Variants in CDH18 observed in about 807,000 individuals in gnomAD.
CDH18 encodes the protein cadherin-18.
A neutral mutation model predicts 67.9 loss-of-function variants in CDH18; 31 were observed. The ratio of observed to expected loss-of-function variants is 0.46; its 90% CI spans 0.34 to 0.62. The LOEUF (loss-of-function observed/expected upper bound fraction) is 0.62, where lower values mean the gene tolerates loss of function less well. Ranked by LOEUF, CDH18 falls within the 20% of genes least tolerant of loss-of-function variation. CDH18 has a pLI of 0.01. For synonymous variants in CDH18, 362 were observed against 347.2 expected (o/e 1.04, Z -0.48); for missense variants, 890 against 975.5 (o/e 0.91, Z 1.17).
At chr5:20,500,181 T>C (rs1437135432) in intron 1 of CDH18, among the ~76,000 whole-genome samples, 1 of 152,152 alleles carries the variant, frequency 6.6e-6, no homozygotes, top group Non-Finnish European at 1.5e-5. Flanking sequence ...GAAAATGCCT[T>C]CTTTTCTACA....
intron 11 of CDH18, among the ~76,000 whole-genome samples, chr5:19,487,400 G>C (rs1345709980): frequency 6.6e-6 from 1 of 152,080 alleles, no homozygotes; most frequent in African/African-American, 2.4e-5. Flanking sequence ...TGGGTTCACT[G>C]CATTAAAAGT....
chr5:19,756,471 C>T (rs1242482070), intron 3 of CDH18, among the ~76,000 whole-genome samples: 1 of 152,160 alleles, frequency 6.6e-6, no homozygotes, highest in Non-Finnish European at 1.5e-5. Context: ...CAAACCTTTA[C>T]TCCTGAGAGG....
chr5:20,547,081 C>T (rs907727078), intron 1 of CDH18, among the ~76,000 whole-genome samples: 8 of 151,706 alleles, frequency 5.3e-5, no homozygotes, highest in Non-Finnish European at 1.0e-4. Flanking sequence ...AACAAATTTA[C>T]CAAAGGTGAA....
chr5:20,525,883 T>A (rs1281789459), intron 1 of CDH18, among the ~76,000 whole-genome samples: 2 of 152,094 alleles, frequency 1.3e-5, no homozygotes, highest in Non-Finnish European at 2.9e-5. Context: ...TTAGCAATAT[T>A]TTATGACTCA....
intron 1 of CDH18, among the ~76,000 whole-genome samples, chr5:20,319,851 A>G (rs1375796158): frequency 6.6e-5 from 10 of 152,220 alleles, no homozygotes; most frequent in Admixed American, 6.5e-4. Context: ...GAGTCACTGT[A>G]TGCAGCTCCG....
intron 10 of CDH18, among the ~76,000 whole-genome samples, chr5:19,507,043 C>T (rs1375061683): frequency 3.1e-4 from 47 of 152,060 alleles, no homozygotes; most frequent in African/African-American, 1.1e-3. Flanking sequence ...ACAATGAACT[C>T]AAACAAATTT....
At chr5:19,946,944 C>G (rs1381233815) in intron 2 of CDH18, among the ~76,000 whole-genome samples, 1 of 151,938 alleles carries the variant, frequency 6.6e-6, no homozygotes, top group African/African-American at 2.4e-5. Context: ...AAAATCAAAC[C>G]ATGTAATCCA....
intron 2 of CDH18, among the ~76,000 whole-genome samples, chr5:19,944,588 T>C (rs905982890): frequency 2.0e-5 from 3 of 152,190 alleles, no homozygotes; most frequent in Non-Finnish European, 4.4e-5. Flanking sequence ...CTTTCTGTCC[T>C]CTGCCTATTG....
intron 1 of CDH18, among the ~76,000 whole-genome samples, chr5:20,318,966 C>T (rs1737723949): frequency 6.6e-6 from 1 of 152,132 alleles, no homozygotes; most frequent in African/African-American, 2.4e-5. Flanking sequence ...CCACCCATGG[C>T]ATCCAGACCC....
At chr5:19,666,108 C>A (rs1757881865) in intron 5 of CDH18, among the ~76,000 whole-genome samples, 1 of 151,586 alleles carries the variant, frequency 6.6e-6, no homozygotes, top group African/African-American at 2.4e-5. Flanking sequence ...CTTGCTCTGT[C>A]ACCCAGGCTG....
intron 8 of CDH18, among the ~76,000 whole-genome samples, chr5:19,555,420 T>C (rs1157654441): frequency 3.9e-5 from 6 of 152,158 alleles, no homozygotes. Context: ...CTTGGTGATG[T>C]TGGGTGGGAC....
chr5:19,919,453 T>C (rs1792192691), intron 2 of CDH18, among the ~76,000 whole-genome samples: 1 of 152,164 alleles, frequency 6.6e-6, no homozygotes, highest in East Asian at 1.9e-4. Flanking sequence ...AGCAGTTTTG[T>C]GGACTAAGCC....
intron 2 of CDH18, among the ~76,000 whole-genome samples, chr5:20,224,670 C>A (rs1741473256): frequency 2.0e-5 from 3 of 152,004 alleles, no homozygotes; most frequent in Admixed American, 2.0e-4. Context: ...TAATTAAATG[C>A]ATTCTTTTAA....
rs70950073 is a variant in CDH18 at position 19,490,394 on chromosome 5, G to GTT, written c.1631-6844_1631-6843dup. On this transcript the variant is annotated intron_variant, in intron 11 of 12. Transcript: ENST00000382275. The stretch of plus-strand genomic sequence containing the variant: ...TGATATATCACATATATAAAAATCT[G>GTT]TTTTTTTTTTTTTTTTTTTTTTTTT... Among the ~76,000 whole-genome samples, 310 of 60,200 alleles carry GTT rather than the reference G, an allele frequency of 5.1e-3. 48 individuals are homozygous for GTT. Among genetic ancestry groups the GTT allele is most frequent in the African/African-American group, 0.012 (184 of 14,904 alleles). 39.5% of individuals were successfully genotyped at this position (60,200 alleles called of 152,430 possible). A position where few individuals can be genotyped will look rare whatever the true frequency, so the allele number is the denominator to read the frequency against.
At chr5:19,967,001 T>A (rs1191914866) in intron 2 of CDH18, among the ~76,000 whole-genome samples, 1 of 151,936 alleles carries the variant, frequency 6.6e-6, no homozygotes, top group Non-Finnish European at 1.5e-5. Flanking sequence ...CCATATAATA[T>A]ATTTGCAACA....
At chr5:19,645,649 T>C (rs140610945) in intron 5 of CDH18, among the ~76,000 whole-genome samples, 4 of 152,308 alleles carry the variant, frequency 2.6e-5, no homozygotes, top group Admixed American at 6.5e-5. Context: ...TTTCACTTTC[T>C]GTGTCATTTC....
chr5:19,505,122 GT>G (rs1743897698), intron 10 of CDH18, among the ~76,000 whole-genome samples: 2 of 151,894 alleles, frequency 1.3e-5, no homozygotes, highest in Admixed American at 6.6e-5. Flanking sequence ...TGACAATCGT[GT>G]TTTTTTAAGA....
chr5:20,548,605 A>T (rs998699835), intron 1 of CDH18, among the ~76,000 whole-genome samples: 2 of 152,324 alleles, frequency 1.3e-5, no homozygotes, highest in Admixed American at 1.3e-4. Flanking sequence ...ATTTGCCATA[A>T]AGAGCATAAC....
intron 1 of CDH18, among the ~76,000 whole-genome samples, chr5:20,354,686 A>G (rs1741463375): frequency 6.6e-6 from 1 of 152,168 alleles, no homozygotes; most frequent in Non-Finnish European, 1.5e-5. Flanking sequence ...TGCTGGGATT[A>G]CAGGTGTGAA....
Sources: allele counts gnomAD v4.1 joint callset (sites outside exome capture counted in the v4.1 genomes callset), GRCh38; gene constraint gnomAD v4.1.1; transcripts MANE v1.5; gene names NCBI Gene and HGNC (gene_info 2026-07-23, HGNC 2026-07-21).